FGG: variants seen among roughly 807,000 people sequenced by gnomAD.
The protein encoded by FGG is fibrinogen, gamma polypeptide.
FGG carries 20 observed loss-of-function variants against 51.7 expected under a neutral mutation model. That is an observed-to-expected ratio of 0.39 (90% CI 0.27 to 0.56). The LOEUF is 0.56. FGG is among the 20% of genes least tolerant of loss of function. FGG has a pLI of 0.64. For missense variants in FGG, 460 were observed against 534.2 expected (o/e 0.86, Z 1.37); for synonymous variants, 184 against 184.7 (o/e 1.00, Z 0.03).
At position 154,612,599 on chromosome 4, in the gene FGG, G is replaced by C; in HGVS notation, c.11C>G (p.Ser4Cys). Residue 4 changes from serine to cysteine, a missense_variant, in exon 1 of 9, where the codon TCC becomes TGC. Coordinates refer to ENST00000336098, the MANE Select transcript of FGG (RefSeq NM_021870.3). MSW[S>C]LHPRNLILYF... ...GAGAATTAAATTCCGGGGGTGCAAG[G>C]ACCAACTCATGATGTCTGAGTGCCC... The C allele has an allele frequency of 6.2e-7, 1 of 1,613,718 alleles. No individual in the cohort carries two copies. The highest frequency in any genetic ancestry group is 1.3e-5 in the African/African-American group (1 of 74,992).
At chr4:154,606,104 C>T (rs1170125262) in intron 8 of FGG, among the ~76,000 whole-genome samples, 1 of 152,066 alleles carries the variant, frequency 6.6e-6, no homozygotes, top group East Asian at 1.9e-4. Flanking sequence ...ATCGGTAAGG[C>T]TTCCCCACAC....
chr4:154,608,568 G>T lies in FGG; in HGVS notation c.749C>A (p.Thr250Lys). The T allele has an allele frequency of 6.2e-7, 1 of 1,613,836 alleles. No individual in the cohort carries two copies. The highest frequency in any genetic ancestry group is 8.5e-7 in the Non-Finnish European group (1 of 1,179,854). The part of the protein sequence containing the change: ...GFGHLSPTGT[T>K]EFWLGNEKIH... ...CTTCTCATTTCCCAGCCAAAATTCTGTTGTGCCAGTAGGAGACAGATGTCC... is the reference window on the plus strand; with the variant it reads ...CTTCTCATTTCCCAGCCAAAATTCTTTTGTGCCAGTAGGAGACAGATGTCC... Residue 250 changes from threonine to lysine, a missense_variant, in exon 7 of 9, where the codon ACA (threonine) becomes AAA (lysine). Physicochemically the swap from Thr to Lys is moderately conservative, Grantham distance 78. Transcript: ENST00000336098.
chr4:154,611,890 C>T lies in FGG; in HGVS notation c.316G>A (p.Asp106Asn). The change falls in exon 4 of 9, where the codon GAC becomes AAC. Residue 106 changes from aspartate (D) to asparagine (N), a missense_variant. Transcript: ENST00000336098. ...TTCCTGGACTTCAAAGTAGCAGCGT[C>T]TATCATATCTGTAATATAGGATCAG... The part of the protein sequence containing the change: ...PDESSKPNMI[D>N]AATLKSRKML... 6.2e-7 allele frequency: 1 copy of T among 1,610,942 alleles called. No homozygotes were observed. Among genetic ancestry groups the T allele is most frequent in the African/African-American group, 1.3e-5 (1 of 74,968 alleles).
At chr4:154,612,488 C>G (rs910902904) in intron 1 of FGG, 44 bp downstream of exon 1, 1 of 1,613,564 alleles carries the variant, frequency 6.2e-7, no homozygotes, top group African/African-American at 1.3e-5. Context: ...GTTTTATTTT[C>G]CAGCTTTCCA....
intron 6 of FGG, 67 bp from the exon 7 acceptor site, chr4:154,608,717 C>A: frequency 6.9e-7 from 1 of 1,450,436 alleles, no homozygotes; most frequent in South Asian, 1.1e-5. Context: ...AGAATGCTGT[C>A]AACATTTTGT....
At chr4:154,610,586 C>A (rs564350248) in intron 4 of FGG, among the ~76,000 whole-genome samples, 1 of 152,058 alleles carries the variant, frequency 6.6e-6, no homozygotes, top group African/African-American at 2.4e-5. Context: ...GCAAGAGTGG[C>A]GGGACTGGTT....
At chr4:154,610,227 TAAG>T (rs1468767881) in intron 4 of FGG, 30 bp from the exon 5 acceptor site, 4 of 1,508,134 alleles carry the variant, frequency 2.7e-6, no homozygotes, top group East Asian at 2.3e-5. Context: ...ATAACAAAAA[TAAG>T]AAGACAAAAA....
chr4:154,610,270 T>C, intron 4 of FGG, 73 bp from the exon 5 acceptor site: 1 of 1,234,566 alleles, frequency 8.1e-7, no homozygotes, highest in Non-Finnish European at 1.2e-6. Context: ...AGTAATTTTA[T>C]ATTTTCTTTG....
At position 154,609,974 on chromosome 4, in the gene FGG, T is replaced by G. The variant is rs542875373; in HGVS notation, c.532+93A>C. 12 of 1,575,042 alleles carry G rather than the reference T, an allele frequency of 7.6e-6. No homozygotes were observed. The African/African-American group carries it at 1.6e-4, about 21-fold the overall frequency. ...TTCTTAGACTTAATGGGTAGCCACT[T>G]TCTAAACTATTCCTATACTTTCCAG... On this transcript the variant is annotated intron_variant, in intron 5 of 8. Coordinates refer to ENST00000336098, the MANE Select transcript of FGG (RefSeq NM_021870.3).
At position 154,610,083 on chromosome 4, in the gene FGG, A is replaced by G; in HGVS notation, c.516T>C (p.His172=). 6.2e-7 allele frequency: 1 copy of G among 1,613,770 alleles called. No individual in the cohort carries two copies. The highest frequency in any genetic ancestry group is 1.1e-5 in the South Asian group (1 of 91,078). Reference sequence around the variant, plus strand: ...ATCAGTTACCTTTCCCAGTGATATCATGGATTTGCACCGTGTCTTTGCAAG... The same window carrying G: ...ATCAGTTACCTTTCCCAGTGATATCGTGGATTTGCACCGTGTCTTTGCAAG... ...QEPCKDTVQI[H]DITGKDCQDI... is the part of the protein sequence containing the mutation. The change falls in exon 5 of 9, where the codon CAT becomes CAC. Residue 172 remains histidine (H), a synonymous_variant. Transcript: ENST00000336098.
In FGG at chr4:154,611,884, C is replaced by G; in HGVS notation, c.322G>C (p.Ala108Pro). 6.2e-7 allele frequency: 1 copy of G among 1,611,604 alleles called. No homozygotes were observed. The highest frequency in any genetic ancestry group is 8.5e-7 in the Non-Finnish European group (1 of 1,178,814). Residue 108 changes from alanine to proline, a missense_variant, in exon 4 of 9, where the codon GCT becomes CCT. Coordinates refer to ENST00000336098, the MANE Select transcript of FGG (RefSeq NM_021870.3). ...ESSKPNMIDA[A>P]TLKSRKMLEE... ...AACATTTTCCTGGACTTCAAAGTAGCAGCGTCTATCATATCTGTAATATAG... is the reference window on the plus strand; with the variant it reads ...AACATTTTCCTGGACTTCAAAGTAGGAGCGTCTATCATATCTGTAATATAG...
chr4:154,604,385 T>C lies in FGG; in HGVS notation c.*449A>G, dbSNP rs940848150. 2.0e-6 allele frequency: 3 copies of C among 1,474,580 alleles called. No individual in the cohort carries two copies. Among genetic ancestry groups the C allele is most frequent in the Non-Finnish European group, 2.7e-6 (3 of 1,110,134 alleles). The allele number at this position is 1,474,580 out of a possible 1,614,324, so 91.3% of individuals were successfully genotyped here. On this transcript the variant is annotated 3_prime_UTR_variant, in exon 9 of 9. Coordinates refer to ENST00000336098, the MANE Select transcript of FGG (RefSeq NM_021870.3). ...AATATATAACAAAACAAAAACCATA[T>C]TAAAAAGACATAATTTTCTCCATTT...
chr4:154,604,481 A>G lies in FGG; in HGVS notation c.*353T>C, dbSNP rs1731059764. Reference sequence around the variant, plus strand: ...AAAATACCTGGGAATTTGAAACTCTAAAATGTTCTCCTATTTTATTAAGTA... The same window carrying G: ...AAAATACCTGGGAATTTGAAACTCTGAAATGTTCTCCTATTTTATTAAGTA... On this transcript the variant is annotated 3_prime_UTR_variant, in exon 9 of 9. Transcript: ENST00000336098. 1.8e-6 allele frequency: 2 copies of G among 1,102,012 alleles called. No individual in the cohort carries two copies. Among genetic ancestry groups the G allele is most frequent in the Non-Finnish European group, 1.3e-6 (1 of 799,274 alleles). 68.3% of individuals were successfully genotyped at this position (1,102,012 alleles called of 1,614,324 possible).
chr4:154,612,625 G>A lies in FGG; in HGVS notation c.-16C>T, dbSNP rs771938654. 1.6e-5 allele frequency: 26 copies of A among 1,612,584 alleles called. 1 individual carries two copies. The highest frequency in any genetic ancestry group is 1.3e-4 in the Admixed American group (8 of 59,976). ...ACCAACTCATGATGTCTGAGTGCCC[G>A]GAGCTCCGAGCCTTGTAGTGTCAGC... On this transcript the variant is annotated 5_prime_UTR_variant, in exon 1 of 9. Transcript: ENST00000336098.
chr4:154,609,897 T>C, intron 5 of FGG, 134 bp from the exon 6 acceptor site: 6 of 1,526,976 alleles, frequency 3.9e-6, no homozygotes, highest in Non-Finnish European at 5.4e-6. Flanking sequence ...ACATCAGCAT[T>C]CCTTTTAAAC....
chr4:154,604,407 A>T lies in FGG; in HGVS notation c.*427T>A, dbSNP rs1237670716. On this transcript the variant is annotated 3_prime_UTR_variant, in exon 9 of 9. Coordinates refer to ENST00000336098, the MANE Select transcript of FGG (RefSeq NM_021870.3). Reference sequence around the variant, plus strand: ...ATATTAAAAAGACATAATTTTCTCCATTTAAAAAGAAGAATTAAATAGGAA... The same window carrying T: ...ATATTAAAAAGACATAATTTTCTCCTTTTAAAAAGAAGAATTAAATAGGAA... The T allele has an allele frequency of 7.1e-7, 1 of 1,412,870 alleles. No individual in the cohort carries two copies. The highest frequency in any genetic ancestry group is 3.0e-5 in the Admixed American group (1 of 33,512). The allele number at this position is 1,412,870 out of a possible 1,614,324, so 87.5% of individuals were successfully genotyped here. A position where few individuals can be genotyped will look rare whatever the true frequency, so the allele number is the denominator to read the frequency against.
intron 2 of FGG, 35 bp from the exon 3 acceptor site, chr4:154,612,236 A>G: frequency 6.2e-7 from 1 of 1,602,222 alleles, no homozygotes; most frequent in Non-Finnish European, 8.5e-7. Flanking sequence ...ATGTAGACAG[A>G]TGCTACTCTT....
intron 5 of FGG, 51 bp from the exon 6 acceptor site, chr4:154,609,814 G>T (rs1273170391): frequency 6.2e-7 from 1 of 1,613,456 alleles, no homozygotes; most frequent in Admixed American, 1.7e-5. Flanking sequence ...AGGTAAGACT[G>T]TGCCAGCCTT....
chr4:154,604,497 T>A lies in FGG; in HGVS notation c.*337A>T. On this transcript the variant is annotated 3_prime_UTR_variant, in exon 9 of 9. Transcript: ENST00000336098. Reference sequence around the variant, plus strand: ...TGAAACTCTAAAATGTTCTCCTATTTTATTAAGTACATACTAAAATATTTG... The same window carrying A: ...TGAAACTCTAAAATGTTCTCCTATTATATTAAGTACATACTAAAATATTTG... 1.8e-6 allele frequency: 2 copies of A among 1,105,436 alleles called. No individual in the cohort carries two copies. The highest frequency in any genetic ancestry group is 1.9e-5 in the South Asian group (1 of 52,258). The allele number at this position is 1,105,436 out of a possible 1,614,324, so 68.5% of individuals were successfully genotyped here. A position where few individuals can be genotyped will look rare whatever the true frequency, so the allele number is the denominator to read the frequency against.
Sources: allele counts gnomAD v4.1 joint callset (sites outside exome capture counted in the v4.1 genomes callset), GRCh38; gene constraint gnomAD v4.1.1; transcripts MANE v1.5; gene names NCBI Gene and HGNC (gene_info 2026-07-23, HGNC 2026-07-21).